Variants in OR6Y1 observed in about 807,000 individuals in gnomAD.
The protein encoded by OR6Y1 is olfactory receptor family 6 subfamily Y member 1.
In OR6Y1, 1 loss-of-function variant was observed where a neutral mutation model predicts 0.4. That is an observed-to-expected ratio of 2.74 (90% CI 0.97 to 13.02). The LOEUF (loss-of-function observed/expected upper bound fraction) is 13.02. Among genes scored for constraint, OR6Y1 ranks in the 30% most tolerant of loss-of-function variants. OR6Y1 has a pLI of 0.12. For synonymous variants in OR6Y1, 173 were observed against 141.1 expected (o/e 1.23, Z -1.60); for missense variants, 480 against 399.8 (o/e 1.20, Z -1.71).
At position 158,545,540 on chromosome 1, in the gene OR6Y1, A is replaced by G. The variant is rs928738201; in HGVS notation, c.*1588T>C. The G allele has an allele frequency of 6.6e-6, 1 of 152,108 alleles. No homozygotes were observed. Among genetic ancestry groups the G allele is most frequent in the African/African-American group, 2.4e-5 (1 of 41,440 alleles). 9.4% of individuals were successfully genotyped at this position (152,108 alleles called of 1,614,324 possible). A position where few individuals can be genotyped will look rare whatever the true frequency, so the allele number is the denominator to read the frequency against. ...TTGTGGATTCGATTTTCATTTCTCT[A>G]ATGATCAGTGAGCCTTTTTTTCATA... On this transcript the variant is annotated 3_prime_UTR_variant, in exon 2 of 2. Transcript: ENST00000641622.
At chr1:158,552,839 G>A (rs1388838481) in intron 1 of OR6Y1, among the ~76,000 whole-genome samples, 1 of 152,140 alleles carries the variant, frequency 6.6e-6, no homozygotes, top group East Asian at 1.9e-4. Context: ...CCCTCAATAG[G>A]CATTTTCTAA....
intron 1 of OR6Y1, among the ~76,000 whole-genome samples, chr1:158,552,736 C>A (rs904609330): frequency 6.6e-6 from 1 of 152,068 alleles, no homozygotes; most frequent in African/African-American, 2.4e-5. Flanking sequence ...ACAAAGCAAT[C>A]ACTTGTGCTC....
chr1:158,548,058 A>T lies in OR6Y1; in HGVS notation c.48T>A (p.Arg16=). ...GTGTTGGAAACCCCAGAAGAATGAA[A>T]CGTGTTGTCACTGTATGATTATCTA... ...LEVDNHTVTT[R]FILLGFPTRP... The change falls in exon 2 of 2, where the codon CGT becomes CGA. Residue 16 remains arginine (R), a synonymous_variant. Coordinates refer to ENST00000641622, the MANE Select transcript of OR6Y1 (RefSeq NM_001005189.2). 6.2e-7 allele frequency: 1 copy of T among 1,613,464 alleles called. No individual in the cohort carries two copies. The highest frequency in any genetic ancestry group is 8.5e-7 in the Non-Finnish European group (1 of 1,179,958).
At chr1:158,552,353 G>GGGA (rs1430512570) in intron 1 of OR6Y1, among the ~76,000 whole-genome samples, 1 of 151,422 alleles carries the variant, frequency 6.6e-6, no homozygotes, top group East Asian at 1.9e-4. Context: ...ATATCATCAG[G>GGGA]CTATGGAAAA....
At position 158,547,000 on chromosome 1, in the gene OR6Y1, TGC is replaced by T; in HGVS notation, c.*126_*127del. On this transcript the variant is annotated 3_prime_UTR_variant, in exon 2 of 2. Coordinates refer to ENST00000641622, the MANE Select transcript of OR6Y1 (RefSeq NM_001005189.2). ...GATTGTGTATACACACACACACACATGCACACACACACAGAGGAGAGCAGTGT... is the reference window on the plus strand; with the variant it reads ...GATTGTGTATACACACACACACACATACACACACACAGAGGAGAGCAGTGT... 1.2e-6 allele frequency: 1 copy of T among 838,464 alleles called. No individual in the cohort carries two copies. Among genetic ancestry groups the T allele is most frequent in the Non-Finnish European group, 1.8e-6 (1 of 541,962 alleles). The allele number at this position is 838,464 out of a possible 1,614,324, so 51.9% of individuals were successfully genotyped here.
chr1:158,550,676 T>G (rs6697568), intron 1 of OR6Y1, among the ~76,000 whole-genome samples: 79,025 of 151,386 alleles, frequency 0.52, 21,561 homozygotes, highest in African/African-American at 0.66. Flanking sequence ...TATAGTAAGG[T>G]GTCTAGATTC....
rs201834766 is a variant in OR6Y1, at chr1:158,547,348, A to C, written c.758T>G (p.Val253Gly). The change falls in exon 2 of 2, where the codon GTA (valine) becomes GGA (glycine). Residue 253 changes from valine (V) to glycine (G), a missense_variant. By Grantham distance (109) the Val-to-Gly change is moderately radical. Coordinates refer to ENST00000641622, the MANE Select transcript of OR6Y1 (RefSeq NM_001005189.2). ...AAGTGTCATGGAATAGAAGAGAATT[A>C]CGACGGTCAGGTGGGAGGCACAGGT... ...FSTCASHLTV[V>G]ILFYSMTLFT... 6.2e-7 allele frequency: 1 copy of C among 1,613,444 alleles called. No homozygotes were observed. The highest frequency in any genetic ancestry group is 8.5e-7 in the Non-Finnish European group (1 of 1,180,002).
Position 158,549,467 on chromosome 1 carries a change from G to T in OR6Y1, c.-1362C>A. ...TTTTTTTTTAAGGAATGATCATGAG[G>T]TTGCAGAGCCAGAAAACTACTGCCC... On this transcript the variant is annotated 5_prime_UTR_variant, in exon 2 of 2. Transcript: ENST00000641622. 1 of 149,994 alleles carries T rather than the reference G, an allele frequency of 6.7e-6. No homozygotes were observed. Among genetic ancestry groups the T allele is most frequent in the South Asian group, 2.1e-4 (1 of 4,766 alleles). 9.3% of individuals were successfully genotyped at this position (149,994 alleles called of 1,614,324 possible). A position where few individuals can be genotyped will look rare whatever the true frequency, so the allele number is the denominator to read the frequency against.
intron 1 of OR6Y1, among the ~76,000 whole-genome samples, chr1:158,551,624 T>C (rs1412544946): frequency 1.3e-5 from 2 of 151,710 alleles, no homozygotes; most frequent in Non-Finnish European, 2.9e-5. Flanking sequence ...GGACAAATCA[T>C]CTCAAGTTTT....
intron 1 of OR6Y1, among the ~76,000 whole-genome samples, chr1:158,551,743 TACACAC>T (rs144175888): frequency 7.2e-6 from 1 of 139,498 alleles, no homozygotes; most frequent in Admixed American, 7.0e-5. Context: ...TTGTAGTGAT[TACACAC>T]ACACACACAC....
At chr1:158,551,476 A>G (rs1647702928) in intron 1 of OR6Y1, among the ~76,000 whole-genome samples, 1 of 151,394 alleles carries the variant, frequency 6.6e-6, no homozygotes, top group Admixed American at 6.6e-5. Context: ...GCAGAGTAGC[A>G]ATTTATTAAT....
intron 1 of OR6Y1, among the ~76,000 whole-genome samples, chr1:158,550,670 G>T (rs948992768): frequency 3.3e-5 from 5 of 151,700 alleles, no homozygotes; most frequent in African/African-American, 1.2e-4. Flanking sequence ...TGTAGATATA[G>T]TAAGGTGTCT....
Position 158,547,166 on chromosome 1 carries a change from C to A in OR6Y1, c.940G>T (p.Gly314Ter). Reference sequence around the variant, plus strand: ...GCCCCATTTCCCTGGGGCCCACTTCCTCTGCAATGTATGGTCTTTCTGAGG... The same window carrying A: ...GCCCCATTTCCCTGGGGCCCACTTCATCTGCAATGTATGGTCTTTCTGAGG... The part of the protein sequence containing the change: ...AALRKTIHCR[G>*]SGPQGNGAFS... The change falls in exon 2 of 2, where the codon GGA becomes TGA. Residue 314 changes from glycine (G) to a stop codon, truncating the protein, a stop_gained. Transcript: ENST00000641622. LOFTEE classifies it low-confidence loss of function (END_TRUNC). 6.2e-7 allele frequency: 1 copy of A among 1,613,442 alleles called. No homozygotes were observed. Among genetic ancestry groups the A allele is most frequent in the South Asian group, 1.1e-5 (1 of 91,026 alleles).
In OR6Y1 at chr1:158,547,880, T is replaced by A. The variant is rs1487014014; in HGVS notation, c.226A>T (p.Met76Leu). Residue 76 changes from methionine to leucine, a missense_variant, in exon 2 of 2, where the codon ATG (methionine) becomes TTG (leucine). Coordinates refer to ENST00000641622, the MANE Select transcript of OR6Y1 (RefSeq NM_001005189.2). ...FFLSHLSFLE[M>L]WYVTVISPKM... ...GGGCTGATGACTGTGACATACCACA[T>A]CTCCAGGAAGGAGAGGTGGCTCAAG... The A allele has an allele frequency of 6.2e-7, 1 of 1,613,400 alleles. No individual in the cohort carries two copies.
At position 158,546,699 on chromosome 1, in the gene OR6Y1, A is replaced by G. The variant is rs1647544427; in HGVS notation, c.*429T>C. The stretch of plus-strand genomic sequence containing the variant: ...ATGTTGAACTTTTTCTTTTACTTCT[A>G]CAATATAGAGTGTTTAAAAACCCTT... On this transcript the variant is annotated 3_prime_UTR_variant, in exon 2 of 2. Transcript: ENST00000641622. The G allele has an allele frequency of 6.3e-6, 1 of 158,724 alleles. No individual in the cohort carries two copies. The highest frequency in any genetic ancestry group is 1.8e-4 in the South Asian group (1 of 5,520). The allele number at this position is 158,724 out of a possible 1,614,324, so 9.8% of individuals were successfully genotyped here.
Position 158,547,596 on chromosome 1 carries a change from T to C in OR6Y1, c.510A>G (p.Gln170=), listed in dbSNP as rs1647582377. The C allele has an allele frequency of 1.2e-6, 2 of 1,613,002 alleles. No individual in the cohort carries two copies. Among genetic ancestry groups the C allele is most frequent in the Admixed American group, 3.3e-5 (2 of 59,870 alleles). The change falls in exon 2 of 2, where the codon CAA becomes CAG. Residue 170 remains glutamine, a synonymous_variant. Transcript: ENST00000641622. ...TAMIKMVFIA[Q]LHYCGMPQIN... ...TCTGAGGCATGCCACAGTAGTGAAG[T>C]TGTGCTATAAAAACCATCTTAATCA...
At chr1:158,553,452 T>C (rs563900135) in intron 1 of OR6Y1, among the ~76,000 whole-genome samples, 68 of 152,062 alleles carry the variant, frequency 4.5e-4, no homozygotes, top group African/African-American at 1.5e-3. Flanking sequence ...TTGTCAATGT[T>C]TGAGATGATG....
chr1:158,549,315 C>T lies in OR6Y1; in HGVS notation c.-1210G>A, dbSNP rs985121167. On this transcript the variant is annotated 5_prime_UTR_variant, in exon 2 of 2. Transcript: ENST00000641622. ...AAACACCTTCCCATTTCAAGTCTTG[C>T]TCTGTGTCCTATTGCTTCAATTCTC... The T allele has an allele frequency of 5.9e-5, 9 of 151,798 alleles. No individual in the cohort carries two copies. Among genetic ancestry groups the T allele is most frequent in the African/African-American group, 1.9e-4 (8 of 41,092 alleles). 9.4% of individuals were successfully genotyped at this position (151,798 alleles called of 1,614,324 possible).
At chr1:158,550,568 A>G (rs1299482160) in intron 1 of OR6Y1, among the ~76,000 whole-genome samples, 1 of 151,498 alleles carries the variant, frequency 6.6e-6, no homozygotes, top group Non-Finnish European at 1.5e-5. Context: ...TTTCAAAATT[A>G]TTCACACATA....
Sources: allele counts gnomAD v4.1 joint callset (sites outside exome capture counted in the v4.1 genomes callset), GRCh38; gene constraint gnomAD v4.1.1; transcripts MANE v1.5; gene names NCBI Gene and HGNC (gene_info 2026-07-23, HGNC 2026-07-21).